The following EYS variants were observed in gnomAD, a reference collection of about 807,000 sequenced individuals.
EYS encodes the protein protein eyes shut homolog.
A neutral mutation model predicts 282.1 loss-of-function variants in EYS; 250 were observed. That is an observed-to-expected ratio of 0.89 (90% CI 0.80 to 0.98). The LOEUF (loss-of-function observed/expected upper bound fraction) is 0.98. Among genes scored for constraint, EYS ranks in the 50% least tolerant of loss-of-function variants. The pLI is 0.00. For missense variants in EYS, 4,016 were observed against 3,709.0 expected (o/e 1.08, Z -2.15); for synonymous variants, 1,355 against 1,282.9 (o/e 1.06, Z -1.20).
intron 29 of EYS, among the ~76,000 whole-genome samples, chr6:64,364,736 T>C (rs141241797): frequency 9.9e-5 from 15 of 151,806 alleles, no homozygotes; most frequent in Non-Finnish European, 2.2e-4. Context: ...ATAATAGACA[T>C]TGGAAACTTT....
chr6:64,031,591 T>G (rs1326167007), intron 33 of EYS, among the ~76,000 whole-genome samples: 1 of 152,130 alleles, frequency 6.6e-6, no homozygotes, highest in Admixed American at 6.5e-5. Context: ...GGCTCCTGAG[T>G]CTGGTGGGGA....
chr6:65,178,606 A>G (rs1765290562), intron 12 of EYS, among the ~76,000 whole-genome samples: 1 of 152,000 alleles, frequency 6.6e-6, no homozygotes, highest in South Asian at 2.1e-4. Context: ...CCACACATTA[A>G]TAGTGGGAGA....
At chr6:64,135,912 A>G (rs532445231) in intron 31 of EYS, among the ~76,000 whole-genome samples, 5 of 152,156 alleles carry the variant, frequency 3.3e-5, no homozygotes, top group African/African-American at 7.2e-5. Flanking sequence ...GGCATTTCTT[A>G]AAATGAGACG....
chr6:65,603,258 T>C (rs1275888063), intron 2 of EYS, among the ~76,000 whole-genome samples: 4 of 151,882 alleles, frequency 2.6e-5, no homozygotes, highest in Non-Finnish European at 4.4e-5. Flanking sequence ...CTAGTGTAAT[T>C]GGCAATGGGT....
At chr6:64,156,391 T>TC (rs369879963) in intron 31 of EYS, among the ~76,000 whole-genome samples, 91 of 152,046 alleles carry the variant, frequency 6.0e-4, no homozygotes, top group African/African-American at 2.1e-3. Context: ...CCTCTTTTTT[T>TC]CCCCCAGTCT....
intron 26 of EYS, among the ~76,000 whole-genome samples, chr6:64,448,190 C>T (rs547996143): frequency 7.2e-5 from 11 of 152,334 alleles, no homozygotes; most frequent in East Asian, 3.9e-4. Flanking sequence ...GCTTATCAAA[C>T]GGCACACCAG....
At chr6:65,379,266 C>T (rs1158510710) in intron 8 of EYS, among the ~76,000 whole-genome samples, 11 of 152,032 alleles carry the variant, frequency 7.2e-5, no homozygotes, top group Admixed American at 5.9e-4. Context: ...AGCTTATCCA[C>T]CACGACCAAT....
chr6:64,504,247 A>C (rs1045672138), intron 26 of EYS, among the ~76,000 whole-genome samples: 1 of 152,182 alleles, frequency 6.6e-6, no homozygotes, highest in Non-Finnish European at 1.5e-5. Flanking sequence ...CAGAATGATC[A>C]TCATCCTTGC....
chr6:64,745,516 T>C (rs1772527957), intron 22 of EYS, among the ~76,000 whole-genome samples: 2 of 149,982 alleles, frequency 1.3e-5, no homozygotes, highest in African/African-American at 2.4e-5. Flanking sequence ...GGTTCCAAAA[T>C]ATTTTCATAA....
chr6:63,949,643 G>C (rs1562110979), intron 35 of EYS, among the ~76,000 whole-genome samples: 1 of 152,034 alleles, frequency 6.6e-6, no homozygotes, highest in African/African-American at 2.4e-5. Context: ...TCATCCACTA[G>C]ACTATGACCT....
At position 65,085,774 on chromosome 6, in the gene EYS, C is replaced by T. The variant is rs367926045; in HGVS notation, c.2024-28047G>A. On this transcript the variant is annotated intron_variant, in intron 12 of 42. Transcript: ENST00000503581. ...GGTCCACTTTTCTCTATTCCCTTTA[C>T]GTAGCTTTTTGTTTAGTCAAATGGG... Among the ~76,000 whole-genome samples the T allele has an allele frequency of 4.2e-4, 64 of 152,162 alleles. 3 individuals carry two copies. In the East Asian group the frequency reaches 6.2e-3, roughly 15 times the overall value.
At chr6:64,546,124 C>T (rs973094562) in intron 26 of EYS, among the ~76,000 whole-genome samples, 2 of 152,278 alleles carry the variant, frequency 1.3e-5, no homozygotes, top group African/African-American at 2.4e-5. Flanking sequence ...TCAAACTATA[C>T]TACAAGGGTA....
intron 35 of EYS, among the ~76,000 whole-genome samples, chr6:63,925,583 T>C (rs1764692023): frequency 1.3e-5 from 2 of 152,240 alleles, no homozygotes; most frequent in Admixed American, 1.3e-4. Context: ...TGTAGGTTTG[T>C]TACATAGGTA....
chr6:63,784,569 A>C (rs1335602335), intron 39 of EYS, among the ~76,000 whole-genome samples: 1 of 152,042 alleles, frequency 6.6e-6, no homozygotes, highest in Admixed American at 6.6e-5. Flanking sequence ...AAGAGGAAGG[A>C]GGTATGTCTT....
intron 31 of EYS, among the ~76,000 whole-genome samples, chr6:64,204,786 T>C (rs1765567826): frequency 6.6e-6 from 1 of 152,182 alleles, no homozygotes; most frequent in Non-Finnish European, 1.5e-5. Flanking sequence ...CATGCATTTG[T>C]TGAAATTCAT....
intron 30 of EYS, among the ~76,000 whole-genome samples, chr6:64,295,895 A>AC (rs1465666727): frequency 1.3e-5 from 2 of 152,120 alleles, no homozygotes; most frequent in African/African-American, 4.8e-5. Context: ...TTCTGATGAG[A>AC]CTGGAGGGGA....
At chr6:65,417,276 T>C (rs1037317162) in intron 5 of EYS, among the ~76,000 whole-genome samples, 2 of 151,952 alleles carry the variant, frequency 1.3e-5, no homozygotes, top group Admixed American at 6.6e-5. Flanking sequence ...ATCAGAGAAT[T>C]AACCTCCAAA....
At chr6:64,104,605 C>T (rs1008981038) in intron 31 of EYS, among the ~76,000 whole-genome samples, 10 of 151,640 alleles carry the variant, frequency 6.6e-5, no homozygotes, top group African/African-American at 2.4e-4. Flanking sequence ...GGGTGTCTTA[C>T]TATAGTAGTC....
At chr6:63,832,513 C>A (rs1771672258) in intron 36 of EYS, among the ~76,000 whole-genome samples, 1 of 152,012 alleles carries the variant, frequency 6.6e-6, no homozygotes, top group African/African-American at 2.4e-5. Flanking sequence ...AACACTAAAC[C>A]AGGAAGACGT....
Sources: allele counts gnomAD v4.1 joint callset (sites outside exome capture counted in the v4.1 genomes callset), GRCh38; gene constraint gnomAD v4.1.1; transcripts MANE v1.5; gene names NCBI Gene and HGNC (gene_info 2026-07-23, HGNC 2026-07-21).